The following EPG5 variants were observed in gnomAD, a reference collection of about 807,000 sequenced individuals.
EPG5 encodes ectopic P granules protein 5 homolog.
In EPG5, 159 loss-of-function variants were observed where a neutral mutation model predicts 302.7. That is an observed-to-expected ratio of 0.53 (90% CI 0.46 to 0.60). The LOEUF is 0.60. EPG5 is among the 20% of genes least tolerant of loss of function. EPG5 has a pLI of 0.00. For synonymous variants in EPG5, 1,158 were observed against 1,136.8 expected (o/e 1.02, Z -0.37); for missense variants, 2,896 against 3,092.4 (o/e 0.94, Z 1.51).
intron 13 of EPG5, among the ~76,000 whole-genome samples, chr18:45,927,447 T>C (rs1363022896): frequency 6.6e-6 from 1 of 152,204 alleles, no homozygotes; most frequent in Non-Finnish European, 1.5e-5. Context: ...CCAGCAATTC[T>C]ACTTCTCACA....
At chr18:45,804,371 A>G in the EPG5 span, among the ~76,000 whole-genome samples, 3 of 152,326 alleles carry the variant, frequency 2.0e-5, no homozygotes, top group Non-Finnish European at 4.4e-5. Context: ...ATTTGAATAA[A>G]TAATGGCCAA....
intron 1 of EPG5, among the ~76,000 whole-genome samples, chr18:45,962,524 T>C (rs1337970616): frequency 2.0e-5 from 3 of 152,192 alleles, no homozygotes; most frequent in Non-Finnish European, 4.4e-5. Context: ...TAGCAGAGAA[T>C]GACACTAAAG....
the EPG5 span, among the ~76,000 whole-genome samples, chr18:45,822,017 A>G: frequency 1.3e-5 from 2 of 152,230 alleles, no homozygotes; most frequent in African/African-American, 4.8e-5. Context: ...TACAAATAGA[A>G]CTACTATATG....
chr18:45,887,521 T>A (rs1481252074), intron 29 of EPG5, among the ~76,000 whole-genome samples: 2 of 152,218 alleles, frequency 1.3e-5, no homozygotes, highest in Admixed American at 6.5e-5. Flanking sequence ...CAAGTTCTGA[T>A]GTCTCCCTAG....
intron 7 of EPG5, among the ~76,000 whole-genome samples, chr18:45,944,993 C>G (rs2050755037): frequency 6.6e-6 from 1 of 152,100 alleles, no homozygotes; most frequent in Non-Finnish European, 1.5e-5. Flanking sequence ...ACACAGAGCA[C>G]TAAAGTCACC....
In EPG5 at chr18:45,847,698, C is replaced by T. The variant is rs1038835565; in HGVS notation, c.*4769G>A. ...TTCTCACCATTATATAAAAACTTAC[C>T]CTTTGTACAAGTATGAAAAATGTGG... On this transcript the variant is annotated 3_prime_UTR_variant, in exon 44 of 44. Transcript: ENST00000282041. 1 of 152,354 alleles carries T rather than the reference C, an allele frequency of 6.6e-6. No individual in the cohort carries two copies. Among genetic ancestry groups the T allele is most frequent in the Non-Finnish European group, 1.5e-5 (1 of 67,986 alleles). 9.4% of individuals were successfully genotyped at this position (152,354 alleles called of 1,614,324 possible). A position where few individuals can be genotyped will look rare whatever the true frequency, so the allele number is the denominator to read the frequency against.
At chr18:45,818,074 C>T in the EPG5 span, among the ~76,000 whole-genome samples, 1 of 152,038 alleles carries the variant, frequency 6.6e-6, no homozygotes, top group African/African-American at 2.4e-5. Context: ...CTTATTTTTT[C>T]CATTCAATAT....
rs1478680726 is a variant in EPG5 at position 45,849,106 on chromosome 18, T to C, written c.*3361A>G. On this transcript the variant is annotated 3_prime_UTR_variant, in exon 44 of 44. Coordinates refer to ENST00000282041, the MANE Select transcript of EPG5 (RefSeq NM_020964.3). ...CAAAAAAAAAAAAAAAAAAAAGACATTGGGGGATTTAGCTTGGATTTAGCC... is the reference window on the plus strand; with the variant it reads ...CAAAAAAAAAAAAAAAAAAAAGACACTGGGGGATTTAGCTTGGATTTAGCC... 1 of 144,198 alleles carries C rather than the reference T, an allele frequency of 6.9e-6. No individual in the cohort carries two copies. The highest frequency in any genetic ancestry group is 1.5e-5 in the Non-Finnish European group (1 of 66,202). 8.9% of individuals were successfully genotyped at this position (144,198 alleles called of 1,614,324 possible). A position where few individuals can be genotyped will look rare whatever the true frequency, so the allele number is the denominator to read the frequency against.
Position 45,917,762 on chromosome 18 carries a change from T to C in EPG5, c.3156A>G (p.Arg1052=). ...GGACATGAACCACTGTTCTCAAATG[T>C]CTTGACTGGACCAGAATTCCCAATA... ...IPLLGILVQS[R]HLRTVVHVLD... The change falls in exon 17 of 44, where the codon AGA becomes AGG. Residue 1052 remains arginine (R), a synonymous_variant. Coordinates refer to ENST00000282041, the MANE Select transcript of EPG5 (RefSeq NM_020964.3). 6.2e-7 allele frequency: 1 copy of C among 1,614,126 alleles called. No homozygotes were observed. The highest frequency in any genetic ancestry group is 8.5e-7 in the Non-Finnish European group (1 of 1,179,974).
Position 45,955,267 on chromosome 18 carries a change from C to A in EPG5, c.135G>T (p.Glu45Asp), listed in dbSNP as rs370173694. The A allele has an allele frequency of 6.2e-6, 10 of 1,614,110 alleles. No homozygotes were observed. In the African/African-American group the frequency reaches 1.3e-4, roughly 22 times the overall value. ...SEVSLPKTSR[E>D]QEIPSLACEF... ...CACAGGCTAGAGAAGGGATTTCCTG[C>A]TCTCTGGAGGTTTTTGGAAGGGAGA... The change falls in exon 2 of 44, where the codon GAG (glutamate) becomes GAT (aspartate). Residue 45 changes from glutamate to aspartate, a missense_variant. Glu to Asp is a conservative substitution (Grantham distance 45, BLOSUM62 2). This residue lies in a region of EPG5 where 1,390 missense variants were observed against 1,430.0 expected (regional missense o/e 0.97). Transcript: ENST00000282041.
intron 11 of EPG5, among the ~76,000 whole-genome samples, chr18:45,932,976 G>C (rs542157088): frequency 1.2e-4 from 18 of 152,252 alleles, no homozygotes; most frequent in African/African-American, 4.3e-4. Flanking sequence ...TGCTAACACA[G>C]AGCCTGGCAG....
the EPG5 span, among the ~76,000 whole-genome samples, chr18:45,823,985 A>G: frequency 6.6e-6 from 1 of 152,214 alleles, no homozygotes; most frequent in South Asian, 2.1e-4. Context: ...GAAAATAAAT[A>G]AGTACATAAT....
chr18:45,962,842 G>C (rs2051178428), intron 1 of EPG5, among the ~76,000 whole-genome samples: 1 of 152,124 alleles, frequency 6.6e-6, no homozygotes, highest in Non-Finnish European at 1.5e-5. Flanking sequence ...CCAGCACTAA[G>C]AAGTGCATCA....
the EPG5 span, among the ~76,000 whole-genome samples, chr18:45,839,448 G>A: frequency 6.6e-6 from 1 of 152,142 alleles, no homozygotes; most frequent in Non-Finnish European, 1.5e-5. Context: ...AAATAGCACC[G>A]TTCCTGAGGA....
At chr18:45,947,170 T>C (rs1441640783) in intron 6 of EPG5, among the ~76,000 whole-genome samples, 1 of 152,146 alleles carries the variant, frequency 6.6e-6, no homozygotes, top group Non-Finnish European at 1.5e-5. Flanking sequence ...ATCACAGCAC[T>C]TTGGGAGGCT....
intron 43 of EPG5, 137 bp downstream of exon 43, chr18:45,855,436 T>C (rs1013160009): frequency 5.0e-6 from 3 of 600,390 alleles, no homozygotes; most frequent in Admixed American, 3.0e-5. Flanking sequence ...TTCCCGTAAG[T>C]AGGGCACATG....
At chr18:45,966,305 G>C (rs1261271951) in intron 1 of EPG5, among the ~76,000 whole-genome samples, 1 of 151,398 alleles carries the variant, frequency 6.6e-6, no homozygotes, top group African/African-American at 2.4e-5. Flanking sequence ...GAACCTGGGA[G>C]GCGGAGCTTG....
At chr18:45,823,163 A>G in the EPG5 span, among the ~76,000 whole-genome samples, 1 of 152,108 alleles carries the variant, frequency 6.6e-6, no homozygotes, top group Non-Finnish European at 1.5e-5. Context: ...ACTGAGATTC[A>G]ATGGGGTGGG....
At chr18:45,857,789 T>C (rs1054072428) in intron 42 of EPG5, 64 bp downstream of exon 42, 31 of 1,338,526 alleles carry the variant, frequency 2.3e-5, no homozygotes, top group Middle Eastern at 2.6e-4. Context: ...TATCACAACC[T>C]GTAAGTAGGT....
Sources: allele counts gnomAD v4.1 joint callset (sites outside exome capture counted in the v4.1 genomes callset), GRCh38; gene constraint gnomAD v4.1.1; regional missense constraint gnomAD v4.1.1; transcripts MANE v1.5; gene names NCBI Gene and HGNC (gene_info 2026-07-23, HGNC 2026-07-21).